ZFHX3: variants seen among roughly 807,000 people sequenced by gnomAD.
The protein encoded by ZFHX3 is zinc finger homeobox 3, also known as zinc finger homeobox protein 3.
In ZFHX3, 42 loss-of-function variants were observed where a neutral mutation model predicts 279.1. That is an observed-to-expected ratio of 0.15 (90% CI 0.12 to 0.19). ZFHX3 has a LOEUF of 0.19. Among genes scored for constraint, ZFHX3 ranks in the 10% least tolerant of loss-of-function variants. The probability of loss-of-function intolerance (pLI) is 1.00; values close to 1 mark genes in which losing one functional copy is unlikely to be tolerated. For missense variants in ZFHX3, 4,981 were observed against 4,754.0 expected (o/e 1.05, Z -1.40); for synonymous variants, 2,293 against 1,957.8 (o/e 1.17, Z -4.52).
intron 2 of ZFHX3, among the ~76,000 whole-genome samples, chr16:73,659,192 A>G (rs1297373421): frequency 6.6e-6 from 1 of 152,236 alleles, no homozygotes; most frequent in East Asian, 1.9e-4. Flanking sequence ...GAAGGGTGAC[A>G]GGACAAAACC....
At chr16:73,642,186 T>G (rs2052579583) in intron 2 of ZFHX3, among the ~76,000 whole-genome samples, 2 of 152,188 alleles carry the variant, frequency 1.3e-5, no homozygotes, top group Non-Finnish European at 2.9e-5. Context: ...GGAACTCTTT[T>G]TCTTTTACTC....
At chr16:73,032,301 C>CA (rs1964734089) in intron 1 of ZFHX3, among the ~76,000 whole-genome samples, 1 of 151,972 alleles carries the variant, frequency 6.6e-6, no homozygotes, top group African/African-American at 2.4e-5. Flanking sequence ...GACCCTGTCT[C>CA]AAAAAACACA....
intron 2 of ZFHX3, chr16:73,610,190 C>T (rs2052230805): frequency 1.4e-5 from 2 of 145,492 alleles, no homozygotes; most frequent in Admixed American, 6.8e-5. Flanking sequence ...CTTTCAGAAG[C>T]GTTTACTTTA....
At chr16:73,307,680 C>T (rs905937211) in intron 4 of ZFHX3, among the ~76,000 whole-genome samples, 2 of 152,118 alleles carry the variant, frequency 1.3e-5, no homozygotes, top group Admixed American at 1.3e-4. Flanking sequence ...GGCCAACTTT[C>T]CTTCTCTTAT....
rs1406169496 is a variant in ZFHX3 at position 72,787,604 on chromosome 16, T to C, written c.10672A>G (p.Ile3558Val). The change falls in exon 10 of 10, where the codon ATC becomes GTC. Residue 3558 changes from isoleucine (I) to valine (V), a missense_variant. Coordinates refer to ENST00000268489, the MANE Select transcript of ZFHX3 (RefSeq NM_006885.4). ...TTGGCGTTTCTTGCTGCTCTCGTGA[T>C]TGTTCTGTGTTTGTGCAAGGCCGAC... Reference protein sequence around the residue: ...LESALHKHRTITRAARNAKEH... With the variant: ...LESALHKHRTVTRAARNAKEH... The C allele has an allele frequency of 1.9e-6, 3 of 1,613,808 alleles. No individual in the cohort carries two copies. Among genetic ancestry groups the C allele is most frequent in the Non-Finnish European group, 2.5e-6 (3 of 1,179,922 alleles).
At chr16:73,692,251 A>G (rs1016499306) in intron 1 of ZFHX3, among the ~76,000 whole-genome samples, 3 of 152,188 alleles carry the variant, frequency 2.0e-5, no homozygotes, top group Admixed American at 6.5e-5. Flanking sequence ...AAAAGTGTGG[A>G]CAGGAGGTAG....
At chr16:73,673,108 G>C (rs1278527399) in intron 2 of ZFHX3, among the ~76,000 whole-genome samples, 1 of 152,008 alleles carries the variant, frequency 6.6e-6, no homozygotes, top group Non-Finnish European at 1.5e-5. Flanking sequence ...ACAACATATT[G>C]TTTAGTTCAA....
At position 73,526,988 on chromosome 16, in the gene ZFHX3, T is replaced by C. The variant is rs184097312; in HGVS notation, c.-1546-70730A>G. 3.7e-4 allele frequency among the ~76,000 whole-genome samples: 57 copies of C among 152,128 alleles called. 4 individuals carry two copies. Among genetic ancestry groups the C allele is most frequent in the African/African-American group, 1.3e-3 (55 of 41,490 alleles). On this transcript the variant is annotated intron_variant, in intron 2 of 17. Coordinates refer to the ZFHX3 transcript ENST00000641206. ...ATTTAGTGAATTTGAAGTATTCCTT[T>C]CCAATATAAGAGACAACTAGTTTGA...
chr16:72,891,647 A>G (rs920501371), intron 3 of ZFHX3, among the ~76,000 whole-genome samples: 4 of 152,188 alleles, frequency 2.6e-5, no homozygotes, highest in African/African-American at 9.7e-5. Flanking sequence ...AGTTAGGGGG[A>G]GAGAGAGATG....
chr16:72,997,782 GT>G (rs1251232855), intron 1 of ZFHX3, among the ~76,000 whole-genome samples: 4 of 152,100 alleles, frequency 2.6e-5, no homozygotes, highest in Non-Finnish European at 4.4e-5. Context: ...CAGTATCCAT[GT>G]TAAAAAAGGG....
At chr16:73,320,432 G>A (rs770092178) in intron 3 of ZFHX3, among the ~76,000 whole-genome samples, 3 of 152,092 alleles carry the variant, frequency 2.0e-5, no homozygotes, top group East Asian at 1.9e-4. Context: ...TTTATTTATC[G>A]AACATAAAAG....
At chr16:73,730,382 G>GAA (rs2053559918) in intron 1 of ZFHX3, among the ~76,000 whole-genome samples, 1 of 134,720 alleles carries the variant, frequency 7.4e-6, no homozygotes, top group Non-Finnish European at 1.6e-5. Context: ...AAAAGAAAAA[G>GAA]AGAGAGAAAG....
At chr16:73,590,746 A>T (rs1023747902) in intron 2 of ZFHX3, among the ~76,000 whole-genome samples, 9 of 152,350 alleles carry the variant, frequency 5.9e-5, no homozygotes, top group Middle Eastern at 3.4e-3. Flanking sequence ...TCCAATTAAC[A>T]TATAGAAGGC....
intron 3 of ZFHX3, among the ~76,000 whole-genome samples, chr16:73,433,783 C>G (rs2017949429): frequency 6.6e-6 from 1 of 152,212 alleles, no homozygotes; most frequent in African/African-American, 2.4e-5. Context: ...GCAGACAGAG[C>G]TGAGCCCACT....
intron 2 of ZFHX3, among the ~76,000 whole-genome samples, chr16:73,626,060 G>A (rs2052413364): frequency 6.6e-6 from 1 of 152,044 alleles, no homozygotes; most frequent in Admixed American, 6.5e-5. Flanking sequence ...GTTTCATCGT[G>A]TTAGCCAGGA....
intron 4 of ZFHX3, among the ~76,000 whole-genome samples, chr16:72,872,519 G>A (rs2038189270): frequency 1.3e-5 from 2 of 152,234 alleles, no homozygotes; most frequent in Admixed American, 6.5e-5. Flanking sequence ...GCACAGTGGG[G>A]TGATCTTGGC....
At position 73,436,346 on chromosome 16, in the gene ZFHX3, C is replaced by G. The variant is rs143538806; in HGVS notation, c.-1291+19657G>C. On this transcript the variant is annotated intron_variant, in intron 3 of 17. Coordinates refer to the ZFHX3 transcript ENST00000641206. ...CAACAAAAAAGAGGTTTAAGGGACT[C>G]AGAGTTCCATGTGGCTGGGGAGGCC... Among the ~76,000 whole-genome samples the G allele has an allele frequency of 2.4e-3, 361 of 152,226 alleles. 1 individual carries two copies. Among genetic ancestry groups the G allele is most frequent in the African/African-American group, 8.2e-3 (342 of 41,530 alleles).
chr16:72,887,049 A>G (rs2038644030), intron 4 of ZFHX3, among the ~76,000 whole-genome samples: 2 of 152,330 alleles, frequency 1.3e-5, no homozygotes, highest in South Asian at 4.1e-4. Context: ...TGAACAAACA[A>G]TTTCTACTGA....
intron 1 of ZFHX3, among the ~76,000 whole-genome samples, chr16:73,026,620 G>A (rs867701481): frequency 2.2e-5 from 3 of 139,256 alleles, no homozygotes; most frequent in Non-Finnish European, 3.0e-5. Flanking sequence ...GCAGTGAGCC[G>A]AGATTGTGCC....
Sources: gnomAD v4.1 joint callset for allele counts (sites outside exome capture counted in the v4.1 genomes callset) on GRCh38, gnomAD v4.1.1 for gene constraint, MANE v1.5 for transcripts, NCBI Gene and HGNC (gene_info 2026-07-23, HGNC 2026-07-21) for gene names.